The following ZNF28 variants were observed in gnomAD, a reference collection of about 807,000 sequenced individuals.
The protein encoded by ZNF28 is zinc finger protein 28, also known as zinc finger protein KOX24.
In ZNF28, 5 loss-of-function variants were observed where a neutral mutation model predicts 7.2. The ratio of observed to expected loss-of-function variants is 0.70; its 90% confidence interval spans 0.36 to 1.46. The LOEUF (loss-of-function observed/expected upper bound fraction) is 1.46, where lower values mean the gene tolerates loss of function less well. ZNF28 is among the 40% of genes most tolerant of loss of function. The pLI is 0.03. For synonymous variants in ZNF28, 288 were observed against 292.4 expected (o/e 0.99, Z 0.15); for missense variants, 879 against 866.6 (o/e 1.01, Z -0.18).
intron 2 of ZNF28, among the ~76,000 whole-genome samples, chr19:52,812,308 T>C (rs1250793753): frequency 7.1e-6 from 1 of 140,248 alleles, no homozygotes; most frequent in East Asian, 2.0e-4. Context: ...ACAATGGCGG[T>C]TTTGTGGAAT....
chr19:52,813,937 T>G (rs552042346), intron 2 of ZNF28, among the ~76,000 whole-genome samples: 19 of 146,908 alleles, frequency 1.3e-4, no homozygotes, highest in Admixed American at 4.1e-4. Flanking sequence ...CTCTGTTTAT[T>G]TTTTTAAGCT....
chr19:52,811,451 G>A (rs1454465520), intron 2 of ZNF28, among the ~76,000 whole-genome samples: 10 of 147,270 alleles, frequency 6.8e-5, no homozygotes, highest in African/African-American at 2.3e-4. Flanking sequence ...AGCGAGGAGC[G>A]CCTCTTCCCC....
At chr19:52,817,240 C>T (rs563750189) in intron 2 of ZNF28, among the ~76,000 whole-genome samples, 3 of 152,092 alleles carry the variant, frequency 2.0e-5, no homozygotes, top group South Asian at 2.1e-4. Flanking sequence ...AGCATGGTGG[C>T]GCATGCTTGT....
intron 2 of ZNF28, among the ~76,000 whole-genome samples, chr19:52,811,823 C>T (rs1236311385): frequency 1.0e-4 from 15 of 147,670 alleles, no homozygotes; most frequent in African/African-American, 3.6e-4. Context: ...CTCCTCTGCC[C>T]GGCCGCCCCT....
intron 2 of ZNF28, among the ~76,000 whole-genome samples, chr19:52,808,623 C>A (rs1200269613): frequency 6.7e-6 from 1 of 149,880 alleles, no homozygotes; most frequent in Non-Finnish European, 1.5e-5. Flanking sequence ...AACAGAAACT[C>A]CATCTCAAAA....
chr19:52,807,038 A>G (rs1184975177), intron 3 of ZNF28, among the ~76,000 whole-genome samples: 1 of 152,204 alleles, frequency 6.6e-6, no homozygotes, highest in Non-Finnish European at 1.5e-5. Context: ...GAGTTTCCCC[A>G]CACACTATTT....
intron 1 of ZNF28, among the ~76,000 whole-genome samples, chr19:52,819,333 A>G (rs1223285905): frequency 1.4e-5 from 2 of 144,114 alleles, no homozygotes; most frequent in African/African-American, 2.7e-5. Flanking sequence ...ATTCTAATAC[A>G]GACAAAGTCC....
Position 52,813,554 on chromosome 19 carries a change from C to T in ZNF28, c.15+4390G>A, listed in dbSNP as rs576025560. Among the ~76,000 whole-genome samples, 4 of 145,714 alleles carry T rather than the reference C, an allele frequency of 2.7e-5. 1 individual carries two copies. The highest frequency in any genetic ancestry group is 2.3e-4 in the South Asian group (1 of 4,280). ...ACTGTTCGGCTTGTCACCTTCCCTC[C>T]GTCTTCTCCTCACCTTTCACAGTCC... On this transcript the variant is annotated intron_variant, in intron 2 of 3. Transcript: ENST00000457749.
chr19:52,819,460 C>G (rs1244315731), intron 1 of ZNF28, among the ~76,000 whole-genome samples: 1 of 118,434 alleles, frequency 8.4e-6, no homozygotes, highest in Non-Finnish European at 1.8e-5. Flanking sequence ...ACTGGGCACT[C>G]CCCTCTACCA....
chr19:52,821,167 T>A (rs533126608), intron 1 of ZNF28, among the ~76,000 whole-genome samples: 26 of 150,178 alleles, frequency 1.7e-4, no homozygotes, highest in Non-Finnish European at 2.8e-4. Flanking sequence ...AAGGGTGGGA[T>A]CCGCAGGATC....
At position 52,801,061 on chromosome 19, in the gene ZNF28, G is replaced by C. The variant is rs537840474; in HGVS notation, c.784C>G (p.Arg262Gly). Residue 262 changes from arginine to glycine, a missense_variant, in exon 4 of 4, where the codon CGT (arginine) becomes GGT (glycine). Coordinates refer to ENST00000457749, the MANE Select transcript of ZNF28 (RefSeq NM_006969.5). ...GGTTTCTCATCAATGTGAGATCTAC[G>C]ATGGCATGCAAGGTATCGCTTCTGA... Reference protein sequence around the residue: ...FNQKRYLACHRRSHIDEKPYK... With the variant: ...FNQKRYLACHGRSHIDEKPYK... 2 of 1,614,102 alleles carry C rather than the reference G, an allele frequency of 1.2e-6. No individual in the cohort carries two copies. Among genetic ancestry groups the C allele is most frequent in the South Asian group, 2.2e-5 (2 of 91,080 alleles).
rs536602956 is a variant in ZNF28 at position 52,820,689 on chromosome 19, T to C, written c.-74+897A>G. 2.0e-5 allele frequency among the ~76,000 whole-genome samples: 3 copies of C among 152,310 alleles called. No homozygotes were observed. In the East Asian group the frequency reaches 5.8e-4, roughly 29 times the overall value. On this transcript the variant is annotated intron_variant, in intron 1 of 3. Coordinates refer to ENST00000457749, the MANE Select transcript of ZNF28 (RefSeq NM_006969.5). ...TCACTCTGATGAGCCTCCACATTTC[T>C]GCCCCTCTCCCTACCTTGCTGTCTG...
At chr19:52,810,004 T>G in intron 2 of ZNF28, 1 of 760,084 alleles carries the variant, frequency 1.3e-6, no homozygotes, top group Non-Finnish European at 2.3e-6. Context: ...CCTGAGGAGC[T>G]GCTGTTGGAG....
chr19:52,811,660 C>T (rs76362744), intron 2 of ZNF28, among the ~76,000 whole-genome samples: 64,957 of 139,002 alleles, frequency 0.47, 16,902 homozygotes, highest in Non-Finnish European at 0.63. Flanking sequence ...GCCTGGCAAC[C>T]GCCCCGTCTG....
rs1254006644 is a variant in ZNF28, at chr19:52,815,668, C to G, written c.15+2276G>C. Among the ~76,000 whole-genome samples, 15 of 145,758 alleles carry G rather than the reference C, an allele frequency of 1.0e-4. 2 individuals are homozygous for G. The South Asian group carries it at 2.8e-3, about 27-fold the overall frequency. On this transcript the variant is annotated intron_variant, in intron 2 of 3. Coordinates refer to ENST00000457749, the MANE Select transcript of ZNF28 (RefSeq NM_006969.5). ...TGAAACCCCATCTCTACTAAAAATA[C>G]AAAAAAATTAGCTGGGTGTGGTGGC...
intron 3 of ZNF28, among the ~76,000 whole-genome samples, chr19:52,804,980 TGA>T (rs2062917845): frequency 6.6e-6 from 1 of 152,152 alleles, no homozygotes; most frequent in African/African-American, 2.4e-5. Context: ...TTAAAAAACT[TGA>T]GACAGGCCAG....
chr19:52,808,006 C>A lies in ZNF28; in HGVS notation c.142+1G>T, dbSNP rs770477755. 3.7e-6 allele frequency: 6 copies of A among 1,613,066 alleles called. No individual in the cohort carries two copies. Among genetic ancestry groups the A allele is most frequent in the African/African-American group, 1.3e-5 (1 of 74,882 alleles). On this transcript the variant is annotated splice_donor_variant, in intron 3 of 3. Transcript: ENST00000457749. LOFTEE classifies it high-confidence loss of function. ...GCACATCCCCAGGAGGTTATCCTCA[C>A]CCAGGGAGACCAGGTTCCTATAATT...
In ZNF28 at chr19:52,797,649, TA is replaced by T; in HGVS notation, c.*2038del. The T allele has an allele frequency of 6.4e-6, 1 of 155,072 alleles. No individual in the cohort carries two copies. The allele number at this position is 155,072 out of a possible 1,614,324, so 9.6% of individuals were successfully genotyped here. On this transcript the variant is annotated 3_prime_UTR_variant, in exon 4 of 4. Coordinates refer to ENST00000457749, the MANE Select transcript of ZNF28 (RefSeq NM_006969.5). Reference sequence around the variant, plus strand: ...TAAGAAATATTTAGGAATAAACATATAAAGGTGAGAAGTTTGTACCTTGAAA... The same window carrying T: ...TAAGAAATATTTAGGAATAAACATATAAGGTGAGAAGTTTGTACCTTGAAA...
At chr19:52,817,894 C>A (rs767370610) in intron 2 of ZNF28, 50 bp downstream of exon 2, 11 of 1,608,386 alleles carry the variant, frequency 6.8e-6, no homozygotes, top group Admixed American at 1.7e-5. Flanking sequence ...CAAGGCCCAG[C>A]GTTTCTGAAA....
Sources: gnomAD v4.1 joint callset for allele counts (sites outside exome capture counted in the v4.1 genomes callset) on GRCh38, gnomAD v4.1.1 for gene constraint, MANE v1.5 for transcripts, NCBI Gene and HGNC (gene_info 2026-07-23, HGNC 2026-07-21) for gene names.